The following PHLDB1 variants were observed in gnomAD, a reference collection of about 807,000 sequenced individuals.
PHLDB1 encodes the protein pleckstrin homology like domain family B member 1.
A neutral mutation model predicts 139.3 loss-of-function variants in PHLDB1; 65 were observed. That is an observed-to-expected ratio of 0.47 (90% CI 0.38 to 0.57). The LOEUF is 0.57. PHLDB1 is among the 20% of genes least tolerant of loss of function. The pLI is 0.00. For synonymous variants in PHLDB1, 679 were observed against 734.5 expected (o/e 0.92, Z 1.22); for missense variants, 1,624 against 1,839.7 (o/e 0.88, Z 2.14).
chr11:118,613,248 G>C, intron 1 of PHLDB1: 1 of 966,128 alleles, frequency 1.0e-6, no homozygotes, highest in Non-Finnish European at 1.2e-6. Flanking sequence ...TGAGACATCT[G>C]GAGATAGCAG....
At chr11:118,656,122 AG>A (rs782121020) in intron 22 of PHLDB1, among the ~76,000 whole-genome samples, 1 of 151,234 alleles carries the variant, frequency 6.6e-6, no homozygotes, top group Non-Finnish European at 1.5e-5. Flanking sequence ...GTGATAGAGA[AG>A]GGATGGCCGG....
rs782761187 is a variant in PHLDB1 at position 118,631,226 on chromosome 11, C to T, written c.1847C>T (p.Thr616Ile). ...MERLERQRLE[T>I]ILNLCAEYSR... ...CCCCAGGAACGCCAGCGCCTGGAGA[C>T]CATCCTGAACCTGTGTGCCGAATAC... is the stretch of plus-strand genomic sequence containing the variant. The change falls in exon 7 of 23, where the codon ACC (threonine) becomes ATC (isoleucine). Residue 616 changes from threonine to isoleucine, a missense_variant. Coordinates refer to ENST00000600882, the MANE Select transcript of PHLDB1 (RefSeq NM_001144758.3). The T allele has an allele frequency of 7.0e-7, 1 of 1,432,218 alleles. No individual in the cohort carries two copies. The highest frequency in any genetic ancestry group is 2.7e-5 in the East Asian group (1 of 37,230). The allele number at this position is 1,432,218 out of a possible 1,614,324, so 88.7% of individuals were successfully genotyped here. A position where few individuals can be genotyped will look rare whatever the true frequency, so the allele number is the denominator to read the frequency against.
rs1940058185 is a variant in PHLDB1 at position 118,610,816 on chromosome 11, A to ATCCT, written c.-21-3000_-21-2999insTCCT. ...TGTCGGCGCATTCCCGCGGGGGAGG[A>ATCCT]GGCCGAGGGCCCGGGCCGGGGTCAC... On this transcript the variant is annotated intron_variant, in intron 1 of 22. Coordinates refer to ENST00000600882, the MANE Select transcript of PHLDB1 (RefSeq NM_001144758.3). The surrounding 1 kb of genome is among the most constrained non-coding windows in gnomAD (Gnocchi z 8.7). Among the ~76,000 whole-genome samples, 1 of 151,758 alleles carries ATCCT rather than the reference A, an allele frequency of 6.6e-6. No homozygotes were observed. Among genetic ancestry groups the ATCCT allele is most frequent in the African/African-American group, 2.4e-5 (1 of 41,214 alleles).
chr11:118,614,935 G>A (rs1418460025), intron 3 of PHLDB1: 15 of 414,746 alleles, frequency 3.6e-5, no homozygotes, highest in East Asian at 2.5e-4. Flanking sequence ...GGTGGCTCAC[G>A]CCTGTTATCC....
chr11:118,632,109 G>A lies in PHLDB1; in HGVS notation c.2242-50G>A. 1 of 1,613,752 alleles carries A rather than the reference G, an allele frequency of 6.2e-7. No individual in the cohort carries two copies. The highest frequency in any genetic ancestry group is 8.5e-7 in the Non-Finnish European group (1 of 1,179,728). On this transcript the variant is annotated intron_variant, in intron 8 of 22. Transcript: ENST00000600882. This position sits in a 1 kb window ranked among gnomAD's most constrained non-coding sequence, Gnocchi z 5.9. The stretch of plus-strand genomic sequence containing the variant: ...CCCTAGGCCAACTGAAGGCCCCAGA[G>A]AGGGGCCACAGTCAGCTGCTTTGAT...
Position 118,614,653 on chromosome 11 carries a change from C to T in PHLDB1, c.155C>T (p.Thr52Ile). Residue 52 changes from threonine to isoleucine, a missense_variant, in exon 3 of 23, where the codon ACA becomes ATA. By Grantham distance (89) the Thr-to-Ile change is moderately conservative. Transcript: ENST00000600882. The stretch of plus-strand genomic sequence containing the variant: ...AGCCTGGGCAGTGGGCGACTCAGCA[C>T]AGCCATCACCCTCCTGCCGCTGGAG... ...LVSLGSGRLS[T>I]AITLLPLEEG... 1 of 1,613,932 alleles carries T rather than the reference C, an allele frequency of 6.2e-7. No individual in the cohort carries two copies. Among genetic ancestry groups the T allele is most frequent in the Non-Finnish European group, 8.5e-7 (1 of 1,179,908 alleles).
upstream of PHLDB1, among the ~76,000 whole-genome samples, chr11:118,607,422 G>A (rs1189770461): frequency 1.4e-5 from 2 of 146,854 alleles, no homozygotes; most frequent in East Asian, 2.0e-4. Context: ...TGAACAAAGC[G>A]GGCGCTGTGC....
intron 14 of PHLDB1, 44 bp from the exon 15 acceptor site, chr11:118,644,028 A>G: frequency 6.2e-7 from 1 of 1,606,786 alleles, no homozygotes; most frequent in African/African-American, 1.3e-5. Context: ...GAATGGGGGT[A>G]AGGGCCTTCT....
At chr11:118,635,346 G>A (rs1555114487) in intron 9 of PHLDB1, 47 bp from the exon 10 acceptor site, 2 of 1,526,622 alleles carry the variant, frequency 1.3e-6, no homozygotes, top group East Asian at 2.3e-5. Flanking sequence ...CAGGCCCAGA[G>A]TGGCATTGCA....
rs782754996 is a variant in PHLDB1 at position 118,628,141 on chromosome 11, C to A, written c.1318C>A (p.Pro440Thr). 1 of 1,613,968 alleles carries A rather than the reference C, an allele frequency of 6.2e-7. No individual in the cohort carries two copies. The highest frequency in any genetic ancestry group is 1.3e-5 in the African/African-American group (1 of 74,922). The stretch of plus-strand genomic sequence containing the variant: ...TGGGTTAGCCACCCGTACCCTGCAG[C>A]CTCCTGAGAGTCCCCGCCTGGGCCG... ...SDGLATRTLQ[P>T]PESPRLGRRG... Residue 440 changes from proline to threonine, a missense_variant, in exon 6 of 23, where the codon CCT (proline) becomes ACT (threonine). Pro to Thr is a conservative substitution (Grantham distance 38, BLOSUM62 -1). Transcript: ENST00000600882.
intron 6 of PHLDB1, 65 bp downstream of exon 6, chr11:118,628,715 C>T: frequency 6.7e-7 from 1 of 1,486,746 alleles, no homozygotes; most frequent in Non-Finnish European, 9.0e-7. Context: ...CTCGAGCAGG[C>T]CAGCTGGCAG....
intron 12 of PHLDB1, chr11:118,641,945 CAT>C: frequency 1.9e-6 from 1 of 536,226 alleles, no homozygotes; most frequent in Non-Finnish European, 3.2e-6. Context: ...TGGTGTAGCA[CAT>C]GTCTGTGGTC....
chr11:118,640,815 A>T (rs527916252), intron 12 of PHLDB1: 3 of 152,406 alleles, frequency 2.0e-5, no homozygotes. Context: ...GCCTGCCCCC[A>T]GCCCAGGGCG....
In PHLDB1 at chr11:118,657,365, G is replaced by A. The variant is rs2137229587; in HGVS notation, c.*542G>A. On this transcript the variant is annotated 3_prime_UTR_variant, in exon 23 of 23. Transcript: ENST00000600882. ...CCCCTAGTTGCAGACTCATCACCAT[G>A]GTTACCATAGTGACTGCTTCATTGC... The A allele has an allele frequency of 6.5e-6, 1 of 153,982 alleles. No homozygotes were observed. The highest frequency in any genetic ancestry group is 2.4e-5 in the African/African-American group (1 of 41,560). 9.5% of individuals were successfully genotyped at this position (153,982 alleles called of 1,614,324 possible). A position where few individuals can be genotyped will look rare whatever the true frequency, so the allele number is the denominator to read the frequency against.
In PHLDB1 at chr11:118,610,520, GAC is replaced by G. The variant is rs1284200923; in HGVS notation, c.-22+2825_-22+2826del. On this transcript the variant is annotated intron_variant, in intron 1 of 22. Transcript: ENST00000600882. This position sits in a 1 kb window ranked among gnomAD's most constrained non-coding sequence, Gnocchi z 8.7. ...GCCGAGGCCGAGGCCGACCCCCAGG[GAC>G]ACAGGTGAGGCCGGGCGACCCGCGG... 55 of 980,148 alleles carry G rather than the reference GAC, an allele frequency of 5.6e-5. No individual in the cohort carries two copies. Among genetic ancestry groups the G allele is most frequent in the Non-Finnish European group, 6.3e-5 (52 of 825,194 alleles). 60.7% of individuals were successfully genotyped at this position (980,148 alleles called of 1,614,324 possible).
chr11:118,623,315 G>C (rs1176724126), intron 4 of PHLDB1, among the ~76,000 whole-genome samples: 3 of 152,216 alleles, frequency 2.0e-5, no homozygotes, highest in African/African-American at 7.2e-5. Flanking sequence ...TCCCAACATA[G>C]TATCTTCTGC....
intron 9 of PHLDB1, 102 bp from the exon 10 acceptor site, chr11:118,635,291 C>G (rs1565457022): frequency 7.3e-6 from 10 of 1,363,290 alleles, no homozygotes; most frequent in Non-Finnish European, 1.0e-5. Context: ...CCCAATTTCC[C>G]CGGGTCCAGC....
Position 118,627,743 on chromosome 11 carries a change from G to C in PHLDB1, c.920G>C (p.Arg307Pro), listed in dbSNP as rs145699167. 1.6e-5 allele frequency: 26 copies of C among 1,608,766 alleles called. No homozygotes were observed. In the African/African-American group the frequency reaches 2.9e-4, roughly 18 times the overall value. Residue 307 changes from arginine to proline, a missense_variant, in exon 6 of 23, where the codon CGC (arginine) becomes CCC (proline). Coordinates refer to ENST00000600882, the MANE Select transcript of PHLDB1 (RefSeq NM_001144758.3). ...QPPQSRPSGA[R>P]SESPRLSRKG... ...CCACAGTCCCGCCCAAGTGGTGCTC[G>C]CTCCGAGAGTCCTCGGCTGAGCAGG...
rs782523624 is a variant in PHLDB1, at chr11:118,645,474, C to G, written c.3240C>G (p.Pro1080=). The G allele has an allele frequency of 3.2e-5, 52 of 1,611,076 alleles. No homozygotes were observed. The highest frequency in any genetic ancestry group is 4.3e-5 in the Non-Finnish European group (51 of 1,178,598). The part of the protein sequence containing the change: ...LHGAAPFPAG[P]SGFPPLMHHS... ...GGGCAGCACCCTTCCCAGCGGGCCC[C>G]TCGGGCTTCCCCCCTCTCATGCACC... Residue 1080 remains proline, a synonymous_variant, in exon 16 of 23, where the codon CCC becomes CCG. Transcript: ENST00000600882. This position sits in a 1 kb window ranked among gnomAD's most constrained non-coding sequence, Gnocchi z 5.1.
Sources: allele counts gnomAD v4.1 joint callset (sites outside exome capture counted in the v4.1 genomes callset), GRCh38; gene constraint gnomAD v4.1.1; non-coding constraint Gnocchi (gnomAD v3.1); transcripts MANE v1.5; gene names NCBI Gene and HGNC (gene_info 2026-07-23, HGNC 2026-07-21).